SNX13: variants seen among roughly 807,000 people sequenced by gnomAD.
The protein encoded by SNX13 is sorting nexin-13.
SNX13 carries 45 observed loss-of-function variants against 133.6 expected under a neutral mutation model. The observed-to-expected ratio is 0.34, with a 90% CI of 0.27 to 0.43. The LOEUF is 0.43. Among genes scored for constraint, SNX13 ranks in the 20% least tolerant of loss-of-function variants. The pLI is 1.00. For missense variants in SNX13, 1,032 were observed against 1,145.1 expected (o/e 0.90, Z 1.43); for synonymous variants, 414 against 373.9 (o/e 1.11, Z -1.24).
chr7:17,922,127 G>A (rs1053303559), intron 1 of SNX13, among the ~76,000 whole-genome samples: 8 of 152,220 alleles, frequency 5.3e-5, no homozygotes, highest in African/African-American at 1.9e-4. Flanking sequence ...ACATTATGTT[G>A]GAACTGCCTG....
intron 1 of SNX13, among the ~76,000 whole-genome samples, chr7:17,913,760 C>CAAAAAAAAAAA (rs71010278): frequency 4.6e-4 from 25 of 54,056 alleles, no homozygotes; most frequent in African/African-American, 7.7e-4. Flanking sequence ...TTAACAAAAA[C>CAAAAAAAAAAA]AAAAAAAAAA....
At chr7:17,828,748 G>C (rs940427176) in intron 16 of SNX13, among the ~76,000 whole-genome samples, 1 of 151,384 alleles carries the variant, frequency 6.6e-6, no homozygotes, top group African/African-American at 2.4e-5. Context: ...ATATTACCAT[G>C]TGACAAAAGA....
At chr7:17,861,313 C>A (rs1415095430) in intron 9 of SNX13, among the ~76,000 whole-genome samples, 1 of 150,988 alleles carries the variant, frequency 6.6e-6, no homozygotes, top group African/African-American at 2.4e-5. Context: ...GCAGTTATCA[C>A]ACATACAGTT....
intron 7 of SNX13, among the ~76,000 whole-genome samples, chr7:17,873,835 G>C (rs949890185): frequency 1.1e-4 from 16 of 151,966 alleles, no homozygotes; most frequent in African/African-American, 3.9e-4. Flanking sequence ...TAATTTTGCT[G>C]TTTTAACCAG....
intron 1 of SNX13, among the ~76,000 whole-genome samples, chr7:17,939,545 C>T (rs1266525553): frequency 6.6e-6 from 1 of 152,180 alleles, no homozygotes; most frequent in Admixed American, 6.5e-5. Flanking sequence ...TTTTGCAATG[C>T]CCATTAGGCA....
rs572655227 is a variant in SNX13, at chr7:17,873,135, G to A, written c.753+393C>T. ...ACCTAACTATCAGCCAGAGACTTCT[G>A]GGGGATTAGTGGGAGGTTTCCATGA... On this transcript the variant is annotated intron_variant, in intron 8 of 25. Coordinates refer to ENST00000428135, the MANE Select transcript of SNX13 (RefSeq NM_015132.5). Among the ~76,000 whole-genome samples, 5 of 152,246 alleles carry A rather than the reference G, an allele frequency of 3.3e-5. No homozygotes were observed. The South Asian group carries it at 1.0e-3, about 32-fold the overall frequency.
intron 1 of SNX13, among the ~76,000 whole-genome samples, chr7:17,937,561 G>T (rs1197943735): frequency 4.1e-5 from 6 of 144,906 alleles, no homozygotes; most frequent in African/African-American, 1.5e-4. Flanking sequence ...ACGCAAAACT[G>T]AAAAGTTTCA....
At chr7:17,868,203 A>T in intron 9 of SNX13, 1 of 509,632 alleles carries the variant, frequency 2.0e-6, no homozygotes, top group Non-Finnish European at 3.4e-6. Context: ...CAAGGAAGAT[A>T]ATCAACAAAA....
intron 22 of SNX13, 52 bp downstream of exon 22, chr7:17,801,536 A>C (rs1274689570): frequency 5.0e-6 from 7 of 1,392,010 alleles, no homozygotes; most frequent in Non-Finnish European, 5.0e-6. Flanking sequence ...AGTTAAAAAG[A>C]TATGCCAAGT....
intron 5 of SNX13, chr7:17,881,673 G>C (rs1199692166): frequency 6.6e-6 from 1 of 152,024 alleles, no homozygotes; most frequent in Non-Finnish European, 1.5e-5. Flanking sequence ...TCCTTCTCCT[G>C]AGTCTCTGAA....
chr7:17,841,058 A>G (rs1368000541), intron 12 of SNX13, among the ~76,000 whole-genome samples: 1 of 152,072 alleles, frequency 6.6e-6, no homozygotes, highest in Non-Finnish European at 1.5e-5. Flanking sequence ...GCAAGTAGGA[A>G]CCAGGGTGGA....
intron 20 of SNX13, among the ~76,000 whole-genome samples, chr7:17,810,817 G>A (rs1290500811): frequency 3.3e-5 from 5 of 152,104 alleles, no homozygotes; most frequent in African/African-American, 2.4e-5. Flanking sequence ...AATCAAGTTG[G>A]CTTCATCCCT....
In SNX13 at chr7:17,893,302, T is replaced by C. The variant is rs377254881; in HGVS notation, c.228+30A>G. The stretch of plus-strand genomic sequence containing the variant: ...ATTATCATTGCAAAGAACTGGACTT[T>C]GAGGTTTTATATTCCCTCAAACGAT... On this transcript the variant is annotated intron_variant, in intron 3 of 25. Transcript: ENST00000428135. The C allele has an allele frequency of 9.0e-5, 129 of 1,436,268 alleles. 1 individual carries two copies. The East Asian group carries it at 1.4e-3, about 15-fold the overall frequency. 89.0% of individuals were successfully genotyped at this position (1,436,268 alleles called of 1,614,324 possible).
intron 5 of SNX13, among the ~76,000 whole-genome samples, chr7:17,876,793 T>C (rs546738020): frequency 1.3e-5 from 2 of 152,068 alleles, no homozygotes; most frequent in Admixed American, 1.3e-4. Flanking sequence ...AAAAACACAA[T>C]AGATAACTCA....
chr7:17,930,480 T>C (rs1801274978), intron 1 of SNX13, among the ~76,000 whole-genome samples: 1 of 152,220 alleles, frequency 6.6e-6, no homozygotes, highest in Admixed American at 6.5e-5. Flanking sequence ...TAATCTTTCA[T>C]CATCACATAA....
chr7:17,847,457 G>A lies in SNX13; in HGVS notation c.1066-1763C>T, dbSNP rs142121011. Among the ~76,000 whole-genome samples the A allele has an allele frequency of 9.9e-5, 15 of 152,156 alleles. No individual in the cohort carries two copies. The East Asian group carries it at 2.3e-3, about 24-fold the overall frequency. On this transcript the variant is annotated intron_variant, in intron 11 of 25. Coordinates refer to ENST00000428135, the MANE Select transcript of SNX13 (RefSeq NM_015132.5). ...AGTGATTCTCCTGCCTCAGTCTCCC[G>A]AGTAGCTCGGATTACAGGCATATGC...
chr7:17,852,663 C>A (rs1791371098), intron 9 of SNX13, among the ~76,000 whole-genome samples: 1 of 152,112 alleles, frequency 6.6e-6, no homozygotes, highest in Admixed American at 6.5e-5. Flanking sequence ...AGATCAATGA[C>A]TTCTTTCATC....
chr7:17,888,541 A>G (rs1424334771), intron 5 of SNX13: 1 of 348,500 alleles, frequency 2.9e-6, no homozygotes, highest in Non-Finnish European at 5.7e-6. Flanking sequence ...ACTAGATAAC[A>G]TTAGACTAAC....
chr7:17,828,772 TG>T (rs567982175), intron 16 of SNX13, among the ~76,000 whole-genome samples: 249 of 151,704 alleles, frequency 1.6e-3, no homozygotes, highest in African/African-American at 5.7e-3. Flanking sequence ...TTATCTTATT[TG>T]GAAAAGCATT....
Sources: allele counts gnomAD v4.1 joint callset (sites outside exome capture counted in the v4.1 genomes callset), GRCh38; gene constraint gnomAD v4.1.1; transcripts MANE v1.5; gene names NCBI Gene and HGNC (gene_info 2026-07-23, HGNC 2026-07-21).